Variants in ERI1 observed in about 807,000 individuals in gnomAD.
ERI1 encodes exoribonuclease 1, also known as 3'-5' exoribonuclease 1.
A neutral mutation model predicts 39.7 loss-of-function variants in ERI1; 39 were observed. The observed-to-expected ratio is 0.98, with a 90% CI of 0.76 to 1.28. The LOEUF (loss-of-function observed/expected upper bound fraction) is 1.28. ERI1 is among the 50% of genes most tolerant of loss of function. The probability of loss-of-function intolerance (pLI) is 0.00; values close to 1 mark genes in which losing one functional copy is unlikely to be tolerated. For missense variants in ERI1, 581 were observed against 416.9 expected (o/e 1.39, Z -3.43); for synonymous variants, 204 against 149.6 (o/e 1.36, Z -2.65).
At chr8:9,065,998 T>G (rs1011674369) in intron 3 of ERI1, among the ~76,000 whole-genome samples, 1 of 151,914 alleles carries the variant, frequency 6.6e-6, no homozygotes, top group African/African-American at 2.4e-5. Flanking sequence ...CACGGCCGCC[T>G]TTTTTTTCTT....
At chr8:9,014,084 T>G (rs1816970809) in intron 3 of ERI1, among the ~76,000 whole-genome samples, 1 of 152,220 alleles carries the variant, frequency 6.6e-6, no homozygotes, top group Non-Finnish European at 1.5e-5. Flanking sequence ...CTCATTTAAC[T>G]CAGAGTACAA....
At chr8:9,006,370 C>T (rs571132288) in intron 1 of ERI1, among the ~76,000 whole-genome samples, 1 of 152,266 alleles carries the variant, frequency 6.6e-6, no homozygotes, top group South Asian at 2.1e-4. Flanking sequence ...CTAAGTGTTA[C>T]TTGTGAATAA....
At chr8:9,029,707 C>T (rs1378483280) in intron 6 of ERI1, 85 bp from the exon 7 acceptor site, 15 of 1,503,166 alleles carry the variant, frequency 1.0e-5, no homozygotes, top group Admixed American at 9.1e-5. Context: ...TGCTAATTTT[C>T]AGTTTCTTAT....
chr8:9,011,195 A>G (rs1816627718), intron 2 of ERI1, among the ~76,000 whole-genome samples: 1 of 152,132 alleles, frequency 6.6e-6, no homozygotes, highest in African/African-American at 2.4e-5. Flanking sequence ...TGTTTGTATC[A>G]TATATGTTAT....
chr8:9,049,914 G>C (rs1798303305), intron 3 of ERI1: 1 of 152,252 alleles, frequency 6.6e-6, no homozygotes, highest in African/African-American at 2.4e-5. Context: ...ATGACCATCA[G>C]CCCATGCCAA....
chr8:9,047,311 A>G (rs555028306), intron 3 of ERI1, among the ~76,000 whole-genome samples: 1 of 152,226 alleles, frequency 6.6e-6, no homozygotes, highest in African/African-American at 2.4e-5. Flanking sequence ...TACTCCACTA[A>G]TTAGCCTGTG....
At chr8:9,003,293 C>G (rs1209984387) in intron 1 of ERI1, 122 bp downstream of exon 1, 6 of 540,506 alleles carry the variant, frequency 1.1e-5, no homozygotes, top group Non-Finnish European at 1.7e-5. Flanking sequence ...GGACCCCAGC[C>G]TCTTCCTCGG....
intron 3 of ERI1, among the ~76,000 whole-genome samples, chr8:9,068,814 T>A (rs1037710458): frequency 2.6e-5 from 4 of 152,158 alleles, no homozygotes; most frequent in African/African-American, 4.8e-5. Context: ...TTAAATTTTT[T>A]AAATTTTATT....
chr8:9,026,207 GT>G (rs1250327753), intron 6 of ERI1, among the ~76,000 whole-genome samples: 2 of 152,120 alleles, frequency 1.3e-5, no homozygotes, highest in African/African-American at 2.4e-5. Context: ...CAGATTTTGG[GT>G]TTTTGGGATT....
At chr8:9,056,890 G>C (rs1371357216) in intron 3 of ERI1, among the ~76,000 whole-genome samples, 2 of 152,196 alleles carry the variant, frequency 1.3e-5, no homozygotes, top group Non-Finnish European at 2.9e-5. Flanking sequence ...CTGGAGTGCA[G>C]TGGCAAGATC....
intron 3 of ERI1, among the ~76,000 whole-genome samples, chr8:9,038,939 T>C (rs1797936136): frequency 6.6e-6 from 1 of 152,218 alleles, no homozygotes; most frequent in Non-Finnish European, 1.5e-5. Flanking sequence ...TTCTTTAATT[T>C]CCGTGACAAA....
chr8:9,049,424 G>A (rs1280209063), intron 3 of ERI1, among the ~76,000 whole-genome samples: 1 of 149,438 alleles, frequency 6.7e-6, no homozygotes, highest in East Asian at 2.0e-4. Flanking sequence ...ATTGAAATAT[G>A]GATAGCATCT....
chr8:9,037,401 C>G (rs143475352), downstream of ERI1, among the ~76,000 whole-genome samples: 9 of 152,240 alleles, frequency 5.9e-5, no homozygotes, highest in African/African-American at 1.9e-4. Flanking sequence ...CAGCCCGGAC[C>G]TTTGGCAACA....
chr8:9,038,427 A>G (rs1329427335), intron 3 of ERI1, among the ~76,000 whole-genome samples: 1 of 152,232 alleles, frequency 6.6e-6, no homozygotes, highest in Non-Finnish European at 1.5e-5. Flanking sequence ...GTCATTGATC[A>G]TACTATCATA....
intron 3 of ERI1, chr8:9,099,938 C>T (rs1484071501): frequency 1.3e-5 from 2 of 151,864 alleles, no homozygotes; most frequent in Non-Finnish European, 1.5e-5. Context: ...CTGTTCATGT[C>T]AGCTCGTTGT....
intron 3 of ERI1, among the ~76,000 whole-genome samples, chr8:9,090,807 T>C (rs1391564919): frequency 6.6e-6 from 1 of 152,134 alleles, no homozygotes; most frequent in Non-Finnish European, 1.5e-5. Context: ...AACAATGAAC[T>C]TTCCAGTATA....
At chr8:9,009,066 A>T (rs1273944496) in intron 2 of ERI1, 7 of 456,164 alleles carry the variant, frequency 1.5e-5, no homozygotes, top group African/African-American at 1.4e-4. Flanking sequence ...TTTTCCGAGC[A>T]AAATTTTTGT....
At chr8:9,079,510 C>CA (rs1186382837) in intron 3 of ERI1, among the ~76,000 whole-genome samples, 1 of 151,888 alleles carries the variant, frequency 6.6e-6, no homozygotes, top group Non-Finnish European at 1.5e-5. Flanking sequence ...AATGGGCTAG[C>CA]AAAAAAGAGG....
rs372718226 is a variant in ERI1, at chr8:9,008,455, G to T, written c.287+307G>T. Among the ~76,000 whole-genome samples the T allele has an allele frequency of 1.8e-4, 27 of 152,238 alleles. No individual in the cohort carries two copies. The East Asian group carries it at 3.5e-3, about 20-fold the overall frequency. On this transcript the variant is annotated intron_variant, in intron 2 of 6. Transcript: ENST00000250263. ...TAGTTGCTCATTTAAATGATGGATA[G>T]TTATATTAGTGAGATAGAGTATTTT...
Sources: gnomAD v4.1 joint callset for allele counts (sites outside exome capture counted in the v4.1 genomes callset) on GRCh38, gnomAD v4.1.1 for gene constraint, MANE v1.5 for transcripts, NCBI Gene and HGNC (gene_info 2026-07-23, HGNC 2026-07-21) for gene names.